The following PDE4B variants were observed in gnomAD, a reference collection of about 807,000 sequenced individuals.
PDE4B encodes the protein phosphodiesterase 4B, also known as 3',5'-cyclic-AMP phosphodiesterase 4B.
Under a neutral mutation model 82.2 loss-of-function variants are expected in PDE4B, and 20 were observed. The ratio of observed to expected loss-of-function variants is 0.24; its 90% CI spans 0.17 to 0.35. PDE4B has a LOEUF of 0.35. Ranked by LOEUF, PDE4B falls within the 10% of genes least tolerant of loss-of-function variation. The pLI is 1.00. For synonymous variants in PDE4B, 320 were observed against 318.9 expected (o/e 1.00, Z -0.04); for missense variants, 655 against 907.2 (o/e 0.72, Z 3.57).
At chr1:65,880,370 T>A (rs950701520) in intron 1 of PDE4B, among the ~76,000 whole-genome samples, 1 of 152,212 alleles carries the variant, frequency 6.6e-6, no homozygotes, top group African/African-American at 2.4e-5. Flanking sequence ...CTCCTTCAGA[T>A]CCATTCTCTG....
At chr1:66,192,131 A>T (rs1437003744) in intron 3 of PDE4B, among the ~76,000 whole-genome samples, 1 of 152,084 alleles carries the variant, frequency 6.6e-6, no homozygotes, top group Non-Finnish European at 1.5e-5. Flanking sequence ...CTTGGTAAGT[A>T]TTTACTAATA....
intron 3 of PDE4B, among the ~76,000 whole-genome samples, chr1:66,035,931 A>C (rs1654036056): frequency 6.6e-6 from 1 of 152,186 alleles, no homozygotes; most frequent in Admixed American, 6.5e-5. Flanking sequence ...GCTAGTTTCC[A>C]AAGTGGCTGT....
intron 3 of PDE4B, among the ~76,000 whole-genome samples, chr1:66,038,928 A>G (rs1654207612): frequency 6.6e-6 from 1 of 152,066 alleles, no homozygotes; most frequent in African/African-American, 2.4e-5. Flanking sequence ...TTTTAAAACA[A>G]AATGCAGTTG....
intron 1 of PDE4B, among the ~76,000 whole-genome samples, chr1:65,816,229 G>GTA (rs2101219493): frequency 2.8e-5 from 1 of 35,862 alleles, no homozygotes; most frequent in East Asian, 2.9e-4. Flanking sequence ...GTGTGTGTAT[G>GTA]AGAGAGAGAG....
intron 2 of PDE4B, 151 bp downstream of exon 2, chr1:65,913,507 G>A (rs1647121023): frequency 1.0e-5 from 7 of 680,450 alleles, no homozygotes; most frequent in South Asian, 5.5e-5. Flanking sequence ...TGGACCTGAC[G>A]TTCTGTGAGT....
intron 8 of PDE4B, among the ~76,000 whole-genome samples, chr1:66,334,465 A>G (rs569220273): frequency 1.3e-5 from 2 of 152,242 alleles, no homozygotes; most frequent in African/African-American, 4.8e-5. Context: ...CACTCTGTAG[A>G]CACGGGTGAG....
intron 1 of PDE4B, among the ~76,000 whole-genome samples, chr1:65,898,658 C>A (rs573815808): frequency 6.6e-6 from 1 of 151,886 alleles, no homozygotes; most frequent in East Asian, 1.9e-4. Context: ...CAGAAATAAA[C>A]CAAAATACTT....
At chr1:65,867,661 A>G (rs1205785690) in intron 1 of PDE4B, among the ~76,000 whole-genome samples, 1 of 152,216 alleles carries the variant, frequency 6.6e-6, no homozygotes, top group Non-Finnish European at 1.5e-5. Context: ...TTATGCCCTA[A>G]AAATGCATGG....
In PDE4B at chr1:66,124,918, C is replaced by CGTGTGTGTGT. The variant is rs58795750; in HGVS notation, c.282-122526_282-122517dup. Among the ~76,000 whole-genome samples, 250 of 148,094 alleles carry CGTGTGTGTGT rather than the reference C, an allele frequency of 1.7e-3. 3 individuals carry two copies. The highest frequency in any genetic ancestry group is 0.016 in the East Asian group (80 of 5,002). On this transcript the variant is annotated intron_variant, in intron 3 of 16. Coordinates refer to ENST00000341517, the MANE Select transcript of PDE4B (RefSeq NM_002600.4). ...CCTGAACGAGCTGTGTGTGTGTATG[C>CGTGTGTGTGT]GTGTGTGTGTGTGTGTGTGTGTGTG...
chr1:65,818,459 G>C (rs1645910376), intron 1 of PDE4B, among the ~76,000 whole-genome samples: 1 of 151,220 alleles, frequency 6.6e-6, no homozygotes, highest in South Asian at 2.1e-4. Flanking sequence ...TCCTTTAATG[G>C]GCTCCCTTTT....
intron 3 of PDE4B, among the ~76,000 whole-genome samples, chr1:66,239,124 A>G (rs192751657): frequency 7.4e-4 from 112 of 152,324 alleles, no homozygotes; most frequent in African/African-American, 2.6e-3. Context: ...TATTTAATTA[A>G]TAGATTGTCT....
intron 1 of PDE4B, among the ~76,000 whole-genome samples, chr1:65,838,870 A>C (rs544426050): frequency 2.6e-5 from 4 of 152,204 alleles, no homozygotes; most frequent in Non-Finnish European, 4.4e-5. Context: ...TCATAAGCTC[A>C]AGAGGTTTCT....
intron 7 of PDE4B, among the ~76,000 whole-genome samples, chr1:66,296,669 G>A (rs964769890): frequency 6.6e-6 from 1 of 152,138 alleles, no homozygotes; most frequent in Admixed American, 6.6e-5. Flanking sequence ...CATGAGGTCA[G>A]GATTTTTGTC....
intron 1 of PDE4B, among the ~76,000 whole-genome samples, chr1:65,802,395 C>T (rs1169531276): frequency 6.6e-6 from 1 of 152,196 alleles, no homozygotes; most frequent in Non-Finnish European, 1.5e-5. Flanking sequence ...AGGCACACAG[C>T]AGCTGAGTCC....
intron 3 of PDE4B, among the ~76,000 whole-genome samples, chr1:66,162,540 C>T (rs1646638218): frequency 6.6e-6 from 1 of 151,942 alleles, no homozygotes; most frequent in Non-Finnish European, 1.5e-5. Context: ...GATGCCCAGC[C>T]TATGCAGGTT....
At chr1:66,191,582 C>A (rs566610939) in intron 3 of PDE4B, among the ~76,000 whole-genome samples, 3 of 152,250 alleles carry the variant, frequency 2.0e-5, no homozygotes, top group East Asian at 1.9e-4. Context: ...AATGACCCTA[C>A]TTATGTGTCT....
At chr1:66,255,187 C>A (rs1654112727) in intron 4 of PDE4B, among the ~76,000 whole-genome samples, 1 of 151,906 alleles carries the variant, frequency 6.6e-6, no homozygotes, top group Non-Finnish European at 1.5e-5. Context: ...TGGGTTCAAG[C>A]AATTCTCCTG....
intron 1 of PDE4B, among the ~76,000 whole-genome samples, chr1:65,817,473 G>A (rs1050288561): frequency 6.6e-6 from 1 of 152,268 alleles, no homozygotes; most frequent in South Asian, 2.1e-4. Context: ...TGCTGATGGG[G>A]TCCCAACTCA....
At chr1:66,324,465 C>A (rs539558049) in intron 7 of PDE4B, among the ~76,000 whole-genome samples, 2 of 152,154 alleles carry the variant, frequency 1.3e-5, no homozygotes, top group Admixed American at 1.3e-4. Context: ...ATAATAATTT[C>A]TCTCTTGGGG....
Sources: allele counts gnomAD v4.1 joint callset (sites outside exome capture counted in the v4.1 genomes callset), GRCh38; gene constraint gnomAD v4.1.1; transcripts MANE v1.5; gene names NCBI Gene and HGNC (gene_info 2026-07-23, HGNC 2026-07-21).